TMPRSS15: variants seen among roughly 807,000 people sequenced by gnomAD.
TMPRSS15 encodes enteropeptidase.
TMPRSS15 carries 128 observed loss-of-function variants against 125.3 expected under a neutral mutation model. The ratio of observed to expected loss-of-function variants is 1.02; its 90% confidence interval spans 0.89 to 1.18. TMPRSS15 has a LOEUF of 1.18. TMPRSS15 is among the 50% of genes most tolerant of loss of function. The probability of loss-of-function intolerance (pLI) is 0.00; values close to 1 mark genes in which losing one functional copy is unlikely to be tolerated. For missense variants in TMPRSS15, 1,283 were observed against 1,212.7 expected (o/e 1.06, Z -0.86); for synonymous variants, 446 against 423.2 (o/e 1.05, Z -0.66).
intron 3 of TMPRSS15, 92 bp downstream of exon 3, chr21:18,397,787 C>T: frequency 1.5e-6 from 1 of 655,996 alleles, no homozygotes. Flanking sequence ...TTAAATATTC[C>T]TCTTTTCCTA....
At chr21:18,438,175 A>G (rs908824771) in intron 1 of TMPRSS15, among the ~76,000 whole-genome samples, 52 of 150,844 alleles carry the variant, frequency 3.4e-4, no homozygotes, top group Non-Finnish European at 5.8e-4. Context: ...TGTCCTTTGT[A>G]GGGACATGGA....
chr21:18,423,375 A>G (rs771975859), intron 1 of TMPRSS15, among the ~76,000 whole-genome samples: 9 of 150,058 alleles, frequency 6.0e-5, no homozygotes, highest in Non-Finnish European at 1.3e-4. Flanking sequence ...GTATTCACTC[A>G]TAATTGTGGA....
intron 1 of TMPRSS15, among the ~76,000 whole-genome samples, chr21:18,411,688 CT>C (rs779929048): frequency 3.9e-5 from 6 of 152,132 alleles, no homozygotes; most frequent in South Asian, 2.1e-4. Flanking sequence ...CAAATTCTTG[CT>C]TCCTCGCCCT....
chr21:18,290,983 A>C (rs937795651), intron 21 of TMPRSS15, among the ~76,000 whole-genome samples: 5 of 152,226 alleles, frequency 3.3e-5, no homozygotes, highest in Non-Finnish European at 7.3e-5. Flanking sequence ...TCAATATAAA[A>C]ATTTCATAAA....
intron 12 of TMPRSS15, among the ~76,000 whole-genome samples, chr21:18,342,798 C>G (rs777674803): frequency 1.3e-5 from 2 of 152,110 alleles, no homozygotes; most frequent in African/African-American, 2.4e-5. Flanking sequence ...CACCAAGTCA[C>G]GGGGAAAATC....
At chr21:18,293,444 G>C (rs1162568321) in intron 21 of TMPRSS15, among the ~76,000 whole-genome samples, 1 of 152,116 alleles carries the variant, frequency 6.6e-6, no homozygotes, top group Non-Finnish European at 1.5e-5. Context: ...CACTGACATA[G>C]GGACAGGAGA....
intron 1 of TMPRSS15, among the ~76,000 whole-genome samples, chr21:18,416,835 T>C (rs543744463): frequency 6.6e-6 from 1 of 152,186 alleles, no homozygotes; most frequent in Non-Finnish European, 1.5e-5. Context: ...TGTACTTATC[T>C]ATTGATGACA....
In TMPRSS15 at chr21:18,329,174, A is replaced by T; in HGVS notation, c.1775T>A (p.Leu592His). The stretch of plus-strand genomic sequence containing the variant: ...TATTCAGATTGCAGACTTACCTAAG[A>T]GCAAGGAATCAGCTTCTTCACCATC... The part of the protein sequence containing the change: ...IRDGEEADSL[L>H]LAVYTGPGPV... The change falls in exon 15 of 25, where the codon CTC becomes CAC. Residue 592 changes from leucine to histidine, a missense_variant. Leu to His is a moderately conservative substitution (Grantham distance 99). Coordinates refer to ENST00000284885, the MANE Select transcript of TMPRSS15 (RefSeq NM_002772.3). The T allele has an allele frequency of 2.5e-6, 4 of 1,612,738 alleles. No individual in the cohort carries two copies. Among genetic ancestry groups the T allele is most frequent in the Non-Finnish European group, 3.4e-6 (4 of 1,179,084 alleles).
At chr21:18,399,925 T>C (rs2076079786) in intron 1 of TMPRSS15, among the ~76,000 whole-genome samples, 1 of 152,150 alleles carries the variant, frequency 6.6e-6, no homozygotes, top group Non-Finnish European at 1.5e-5. Flanking sequence ...TGCATTTCTA[T>C]ACGCTAAATA....
chr21:18,474,385 G>A (rs1039146203), intron 1 of TMPRSS15, among the ~76,000 whole-genome samples: 1 of 151,834 alleles, frequency 6.6e-6, no homozygotes, highest in African/African-American at 2.4e-5. Context: ...TCGCCTCTTG[G>A]GTTCAAGTGA....
chr21:18,388,936 TG>T (rs2075968246), intron 3 of TMPRSS15, among the ~76,000 whole-genome samples: 1 of 152,030 alleles, frequency 6.6e-6, no homozygotes, highest in South Asian at 2.1e-4. Flanking sequence ...TTATACACTC[TG>T]GAAACAGAGG....
At chr21:18,431,251 T>C (rs575556576) in intron 1 of TMPRSS15, among the ~76,000 whole-genome samples, 2 of 152,318 alleles carry the variant, frequency 1.3e-5, no homozygotes, top group African/African-American at 4.8e-5. Context: ...GCTTTTATCC[T>C]GAAATGTTTT....
intron 16 of TMPRSS15, among the ~76,000 whole-genome samples, chr21:18,317,175 A>C (rs2075175966): frequency 1.3e-5 from 2 of 152,188 alleles, no homozygotes; most frequent in African/African-American, 2.4e-5. Flanking sequence ...TTCTGAATTT[A>C]TGATGACCAA....
chr21:18,355,074 A>G (rs1390701690), intron 8 of TMPRSS15, among the ~76,000 whole-genome samples: 2 of 151,888 alleles, frequency 1.3e-5, no homozygotes, highest in African/African-American at 4.8e-5. Context: ...CATGCATTCA[A>G]TGTTTTTTAT....
chr21:18,352,664 C>G (rs1443489151), intron 10 of TMPRSS15, among the ~76,000 whole-genome samples: 1 of 151,928 alleles, frequency 6.6e-6, no homozygotes, highest in Non-Finnish European at 1.5e-5. Flanking sequence ...CTAATGACCT[C>G]TGTGTACTTT....
chr21:18,468,071 T>A (rs1978703318), intron 1 of TMPRSS15, among the ~76,000 whole-genome samples: 1 of 152,148 alleles, frequency 6.6e-6, no homozygotes, highest in African/African-American at 2.4e-5. Context: ...AATTATAGGA[T>A]ATATAGTTGG....
At chr21:18,385,195 A>C (rs1238236993) in intron 3 of TMPRSS15, among the ~76,000 whole-genome samples, 2 of 152,248 alleles carry the variant, frequency 1.3e-5, no homozygotes, top group African/African-American at 4.8e-5. Context: ...CAAATCTTGT[A>C]AATGAGAAGG....
At chr21:18,289,922 TA>T (rs1297801131) in intron 21 of TMPRSS15, among the ~76,000 whole-genome samples, 2 of 152,218 alleles carry the variant, frequency 1.3e-5, no homozygotes, top group Admixed American at 1.3e-4. Context: ...TGCATGCATT[TA>T]AAAAATGCAT....
chr21:18,370,864 T>C (rs558747185), intron 6 of TMPRSS15, among the ~76,000 whole-genome samples: 59 of 152,262 alleles, frequency 3.9e-4, no homozygotes, highest in African/African-American at 1.3e-3. Context: ...AGAATATTCA[T>C]CTTTAATTAC....
Sources: allele counts gnomAD v4.1 joint callset (sites outside exome capture counted in the v4.1 genomes callset), GRCh38; gene constraint gnomAD v4.1.1; transcripts MANE v1.5; gene names NCBI Gene and HGNC (gene_info 2026-07-23, HGNC 2026-07-21).